Variants in RIPOR2 observed in about 807,000 individuals in gnomAD.
RIPOR2 encodes rho family-interacting cell polarization regulator 2.
In RIPOR2, 39 loss-of-function variants were observed where a neutral mutation model predicts 114.5. That is an observed-to-expected ratio of 0.34 (90% CI 0.26 to 0.44). The LOEUF is 0.44. Ranked by LOEUF, RIPOR2 falls within the 20% of genes least tolerant of loss-of-function variation. RIPOR2 has a pLI of 1.00. For missense variants in RIPOR2, 1,007 were observed against 1,255.1 expected, an observed-to-expected ratio of 0.80 and a Z score of 2.99; for synonymous variants, 445 against 484.4, an observed-to-expected ratio of 0.92 and a Z score of 1.07.
chr6:24,819,519 CTTT>C (rs142511353), intron 19 of RIPOR2, among the ~76,000 whole-genome samples: 1 of 145,572 alleles, frequency 6.9e-6, no homozygotes. Flanking sequence ...AGTACATTAT[CTTT>C]TTTTTTTTTG....
intron 1 of RIPOR2, among the ~76,000 whole-genome samples, chr6:24,996,793 C>T (rs1035401743): frequency 3.3e-5 from 5 of 152,194 alleles, no homozygotes; most frequent in African/African-American, 1.2e-4. Flanking sequence ...TCTATTATAG[C>T]ACTTACTGTA....
chr6:25,036,059 A>G (rs1777235868), intron 1 of RIPOR2, among the ~76,000 whole-genome samples: 1 of 152,178 alleles, frequency 6.6e-6, no homozygotes, highest in Non-Finnish European at 1.5e-5. Flanking sequence ...CCCCAACCAC[A>G]GTCCAGGGCA....
chr6:24,859,313 C>T (rs528607012), intron 8 of RIPOR2, among the ~76,000 whole-genome samples: 20 of 152,236 alleles, frequency 1.3e-4, no homozygotes, highest in Middle Eastern at 3.4e-3. Context: ...CGAGACTCTG[C>T]GACTGTGCTA....
At chr6:24,842,175 T>A (rs531903335) in intron 13 of RIPOR2, among the ~76,000 whole-genome samples, 3 of 152,160 alleles carry the variant, frequency 2.0e-5, no homozygotes, top group South Asian at 2.1e-4. Context: ...AATTAATCTG[T>A]ATGCAGGTGG....
intron 2 of RIPOR2, among the ~76,000 whole-genome samples, chr6:24,874,116 GAAC>G: frequency 6.6e-6 from 1 of 152,228 alleles, no homozygotes; most frequent in Non-Finnish European, 1.5e-5. Context: ...CTGCAGCCTT[GAAC>G]TCCTGGGCTC....
At chr6:24,926,930 C>G in intron 1 of RIPOR2, among the ~76,000 whole-genome samples, 1 of 150,120 alleles carries the variant, frequency 6.7e-6, no homozygotes, top group Admixed American at 6.7e-5. Context: ...ATCATCACCA[C>G]CACCACCATG....
chr6:24,824,327 G>A (rs184782590), intron 19 of RIPOR2, among the ~76,000 whole-genome samples: 22 of 152,298 alleles, frequency 1.4e-4, no homozygotes, highest in African/African-American at 3.9e-4. Flanking sequence ...CCAAAATGGC[G>A]TTAGAGTGGA....
chr6:24,933,236 G>T (rs563381934), intron 1 of RIPOR2, among the ~76,000 whole-genome samples: 1 of 152,268 alleles, frequency 6.6e-6, no homozygotes, highest in African/African-American at 2.4e-5. Flanking sequence ...AGACAATAGG[G>T]ATTCATATGT....
intron 1 of RIPOR2, among the ~76,000 whole-genome samples, chr6:24,889,727 G>A (rs1041978827): frequency 1.3e-5 from 2 of 152,050 alleles, no homozygotes; most frequent in African/African-American, 4.8e-5. Flanking sequence ...CAAGCTAGCT[G>A]AATGTTGGCA....
chr6:24,948,533 CTTT>C (rs35993841), intron 1 of RIPOR2, among the ~76,000 whole-genome samples: 2 of 145,462 alleles, frequency 1.4e-5, no homozygotes. Context: ...TTCTTTCTTT[CTTT>C]TTTTTTTTTT....
At chr6:25,040,368 G>A (rs558012308) in intron 1 of RIPOR2, among the ~76,000 whole-genome samples, 3 of 152,036 alleles carry the variant, frequency 2.0e-5, no homozygotes, top group African/African-American at 4.8e-5. Flanking sequence ...TGCCCAACTC[G>A]GCCTCCCAAA....
upstream of RIPOR2, among the ~76,000 whole-genome samples, chr6:24,938,722 GAT>G (rs1314651491): frequency 6.6e-6 from 1 of 152,072 alleles, no homozygotes; most frequent in African/African-American, 2.4e-5. Flanking sequence ...CTCCAATTTA[GAT>G]ATCTCAGAAA....
chr6:25,039,796 A>G (rs1777390601), intron 1 of RIPOR2, among the ~76,000 whole-genome samples: 1 of 152,232 alleles, frequency 6.6e-6, no homozygotes, highest in Non-Finnish European at 1.5e-5. Context: ...TGGAATTTAA[A>G]TTTAAGGTAC....
At chr6:24,949,884 A>G (rs1255743887) in intron 1 of RIPOR2, among the ~76,000 whole-genome samples, 17 of 152,228 alleles carry the variant, frequency 1.1e-4, no homozygotes, top group Admixed American at 1.1e-3. Context: ...TTATTTTCTT[A>G]TGAAATTTCA....
At chr6:24,818,653 G>A (rs1259663895) in intron 19 of RIPOR2, 28 bp from the exon 20 acceptor site, 3 of 1,485,568 alleles carry the variant, frequency 2.0e-6, no homozygotes, top group Admixed American at 2.0e-5. Flanking sequence ...ACCTCATGAA[G>A]GCATTTTGGT....
intron 1 of RIPOR2, among the ~76,000 whole-genome samples, chr6:24,945,716 T>TC (rs1286696268): frequency 4.8e-4 from 73 of 152,130 alleles, no homozygotes; most frequent in Non-Finnish European, 4.7e-4. Flanking sequence ...TTAATTGTAA[T>TC]CCCCAAGGCG....
intron 1 of RIPOR2, among the ~76,000 whole-genome samples, chr6:24,909,074 AG>A (rs1395722730): frequency 1.3e-5 from 2 of 152,210 alleles, no homozygotes; most frequent in Non-Finnish European, 2.9e-5. Flanking sequence ...CCAATGTTCA[AG>A]TTTTCAGATG....
chr6:24,917,042 G>A (rs1352446452), intron 1 of RIPOR2, among the ~76,000 whole-genome samples: 1 of 151,988 alleles, frequency 6.6e-6, no homozygotes, highest in Non-Finnish European at 1.5e-5. Flanking sequence ...CTTGAGATTG[G>A]ATTTCTCATA....
rs188049244 is a variant in RIPOR2, at chr6:24,989,547, G to T, written c.76+52304C>A. Among the ~76,000 whole-genome samples, 368 of 151,474 alleles carry T rather than the reference G, an allele frequency of 2.4e-3. 3 individuals carry two copies. Among genetic ancestry groups the T allele is most frequent in the South Asian group, 0.011 (52 of 4,788 alleles). ...CCTGACCTGGTGATCCGCCCACCTC[G>T]GCCTCCCAAAGTGCTGGGATTATAG... On this transcript the variant is annotated intron_variant, in intron 1 of 13. Transcript: ENST00000510784.
Sources: allele counts gnomAD v4.1 joint callset (sites outside exome capture counted in the v4.1 genomes callset), GRCh38; gene constraint gnomAD v4.1.1; transcripts MANE v1.5; gene names NCBI Gene and HGNC (gene_info 2026-07-23, HGNC 2026-07-21).